TMEM204: variants seen among roughly 807,000 people sequenced by gnomAD.
The protein encoded by TMEM204 is transmembrane protein 204, also known as claudin-like protein 24.
A neutral mutation model predicts 19.4 loss-of-function variants in TMEM204; 15 were observed. That is an observed-to-expected ratio of 0.77 (90% CI 0.52 to 1.19). The LOEUF (loss-of-function observed/expected upper bound fraction) is 1.19, where lower values mean the gene tolerates loss of function less well. Among genes scored for constraint, TMEM204 ranks in the 50% most tolerant of loss-of-function variants. TMEM204 has a pLI of 0.00. For synonymous variants in TMEM204, 161 were observed against 146.0 expected (o/e 1.10, Z -0.74); for missense variants, 287 against 321.2 (o/e 0.89, Z 0.81).
chr16:1,553,908 T>TA lies in TMEM204; in HGVS notation c.437-869dup. On this transcript the variant is annotated intron_variant, in intron 2 of 2. Coordinates refer to ENST00000566264, the MANE Select transcript of TMEM204 (RefSeq NM_024600.6). This position sits in a 1 kb window ranked among gnomAD's most constrained non-coding sequence, Gnocchi z 4.4. ...ACCCTGATTTTCCTGTTGTAAGAAC[T>TA]AAAAAGGTCTTTGGAGCTCCTCAAA... 5.5e-6 allele frequency: 7 copies of TA among 1,277,434 alleles called. No homozygotes were observed. The highest frequency in any genetic ancestry group is 6.1e-6 in the Non-Finnish European group (6 of 982,032). 79.1% of individuals were successfully genotyped at this position (1,277,434 alleles called of 1,614,324 possible). A position where few individuals can be genotyped will look rare whatever the true frequency, so the allele number is the denominator to read the frequency against.
chr16:1,543,178 G>A (rs767054357), intron 2 of TMEM204, among the ~76,000 whole-genome samples: 2 of 152,260 alleles, frequency 1.3e-5, no homozygotes, highest in Admixed American at 6.5e-5. Flanking sequence ...TGACCAGCAC[G>A]GAGCTGCCCG....
At chr16:1,543,170 A>G (rs2143285) in intron 2 of TMEM204, among the ~76,000 whole-genome samples, 65,468 of 152,186 alleles carry the variant, frequency 0.43, 15,538 homozygotes, top group African/African-American at 0.64. Flanking sequence ...GCTGAGCATG[A>G]CCAGCACGGA....
chr16:1,542,203 A>G lies in TMEM204; in HGVS notation c.436+127A>G, dbSNP rs1430092434. 2.8e-6 allele frequency: 3 copies of G among 1,072,166 alleles called. No homozygotes were observed. The African/African-American group carries it at 4.9e-5, about 18-fold the overall frequency. The allele number at this position is 1,072,166 out of a possible 1,614,324, so 66.4% of individuals were successfully genotyped here. A position where few individuals can be genotyped will look rare whatever the true frequency, so the allele number is the denominator to read the frequency against. On this transcript the variant is annotated intron_variant, in intron 2 of 2. Transcript: ENST00000566264. ...AGGCCATACCTCTCAACATGGCCAC[A>G]GGCCACTGAGAAGCCCCATGGGGCA...
chr16:1,553,427 G>C lies in TMEM204; in HGVS notation c.437-1355G>C, dbSNP rs528603616. On this transcript the variant is annotated intron_variant, in intron 2 of 2. Coordinates refer to ENST00000566264, the MANE Select transcript of TMEM204 (RefSeq NM_024600.6). This position sits in a 1 kb window ranked among gnomAD's most constrained non-coding sequence, Gnocchi z 4.4. ...AATGCAGGGGAGGCGGTTGGGAGTG[G>C]AGAGACCGGCATGAACAGACGCACA... The C allele has an allele frequency of 5.4e-5, 53 of 985,398 alleles. 1 individual carries two copies. The African/African-American group carries it at 8.5e-4, about 16-fold the overall frequency. The allele number at this position is 985,398 out of a possible 1,614,324, so 61.0% of individuals were successfully genotyped here.
chr16:1,531,400 G>A (rs1323043685), upstream of TMEM204: 2 of 152,316 alleles, frequency 1.3e-5, no homozygotes, highest in Non-Finnish European at 2.9e-5. The surrounding 1 kb of genome is among the most constrained non-coding windows in gnomAD (Gnocchi z 4.7). Flanking sequence ...CATGCTTGCC[G>A]AGGCCGCCCC....
chr16:1,542,320 T>C (rs188316364), intron 2 of TMEM204, among the ~76,000 whole-genome samples: 13 of 152,368 alleles, frequency 8.5e-5, no homozygotes, highest in African/African-American at 2.6e-4. Context: ...CTGGCGTGTC[T>C]GTCACACCCT....
chr16:1,540,455 G>C (rs904372774), intron 1 of TMEM204, among the ~76,000 whole-genome samples: 3 of 152,210 alleles, frequency 2.0e-5, no homozygotes, highest in African/African-American at 7.2e-5. Context: ...CCCCTGCTGG[G>C]CTGGCTTCCC....
intron 2 of TMEM204, among the ~76,000 whole-genome samples, chr16:1,550,244 G>C (rs773212717): frequency 1.4e-4 from 21 of 152,076 alleles, no homozygotes; most frequent in Non-Finnish European, 3.1e-4. Context: ...CAGCCCCTTC[G>C]TCTTCTATAT....
chr16:1,538,625 C>A (rs1387764474), intron 1 of TMEM204, among the ~76,000 whole-genome samples: 1 of 152,214 alleles, frequency 6.6e-6, no homozygotes, highest in East Asian at 1.9e-4. Context: ...TAATGCCTCC[C>A]TCATTTTGCA....
At chr16:1,536,546 G>A (rs900413600) in intron 1 of TMEM204, among the ~76,000 whole-genome samples, 1 of 152,200 alleles carries the variant, frequency 6.6e-6, no homozygotes, top group African/African-American at 2.4e-5. Context: ...GAAGCGTCAC[G>A]GAAGCTCCTT....
At chr16:1,550,884 G>A (rs1343128575) in intron 2 of TMEM204, among the ~76,000 whole-genome samples, 4 of 152,218 alleles carry the variant, frequency 2.6e-5, no homozygotes, top group Non-Finnish European at 4.4e-5. Context: ...GGTCCCCGGC[G>A]TGCCAGTGGA....
At position 1,534,172 on chromosome 16, in the gene TMEM204, G is replaced by A; in HGVS notation, c.-104G>A. 2 of 1,466,636 alleles carry A rather than the reference G, an allele frequency of 1.4e-6. No homozygotes were observed. The highest frequency in any genetic ancestry group is 1.3e-5 in the South Asian group (1 of 79,906). The allele number at this position is 1,466,636 out of a possible 1,614,324, so 90.9% of individuals were successfully genotyped here. On this transcript the variant is annotated 5_prime_UTR_variant, in exon 1 of 3. It adds an upstream start codon to the 5' untranslated region. Transcript: ENST00000566264. ...GCCCGCGCCGCCCCGAGGATGAGTG[G>A]TGATGTCCTCTAGCCACCCCTAGCA...
chr16:1,534,162 A>T lies in TMEM204; in HGVS notation c.-114A>T. On this transcript the variant is annotated 5_prime_UTR_variant, in exon 1 of 3. Transcript: ENST00000566264. ...ATGGGCCTCCGCCCGCGCCGCCCCG[A>T]GGATGAGTGGTGATGTCCTCTAGCC... 1 of 1,389,212 alleles carries T rather than the reference A, an allele frequency of 7.2e-7. No individual in the cohort carries two copies. The highest frequency in any genetic ancestry group is 9.6e-7 in the Non-Finnish European group (1 of 1,036,942). 86.1% of individuals were successfully genotyped at this position (1,389,212 alleles called of 1,614,324 possible). A position where few individuals can be genotyped will look rare whatever the true frequency, so the allele number is the denominator to read the frequency against.
At chr16:1,545,216 G>A (rs371116025) in intron 2 of TMEM204, among the ~76,000 whole-genome samples, 6 of 152,154 alleles carry the variant, frequency 3.9e-5, no homozygotes, top group Non-Finnish European at 5.9e-5. Context: ...TGGCGGGGGC[G>A]GGACTGTGCT....
chr16:1,554,238 C>G (rs992386242), intron 2 of TMEM204: 1 of 704,214 alleles, frequency 1.4e-6, no homozygotes, highest in Non-Finnish European at 2.0e-6. Flanking sequence ...AGGCCAAGAG[C>G]AAGAAAACTG....
chr16:1,548,205 C>T (rs1257158662), intron 2 of TMEM204, among the ~76,000 whole-genome samples: 4 of 152,252 alleles, frequency 2.6e-5, no homozygotes, highest in African/African-American at 4.8e-5. Context: ...GCCAGGGGGC[C>T]GTCTGCTCCG....
rs556015277 is a variant in TMEM204 at position 1,541,835 on chromosome 16, C to T, written c.281-86C>T. On this transcript the variant is annotated intron_variant, in intron 1 of 2. Coordinates refer to ENST00000566264, the MANE Select transcript of TMEM204 (RefSeq NM_024600.6). ...TGCCGACCGCCCTTTCCGAGGCAAA[C>T]AGAGACCACGAAAGTGGCGTGACGG... 307 of 1,454,836 alleles carry T rather than the reference C, an allele frequency of 2.1e-4. 2 individuals are homozygous for T. In the South Asian group the frequency reaches 3.5e-3, roughly 17 times the overall value. The allele number at this position is 1,454,836 out of a possible 1,614,324, so 90.1% of individuals were successfully genotyped here. A position where few individuals can be genotyped will look rare whatever the true frequency, so the allele number is the denominator to read the frequency against.
At chr16:1,529,277 G>A (rs1371919335), upstream of TMEM204, among the ~76,000 whole-genome samples, 1 of 152,248 alleles carries the variant, frequency 6.6e-6, no homozygotes, top group Non-Finnish European at 1.5e-5. Flanking sequence ...AGGAGAGGGT[G>A]TGTCCAAACC....
In TMEM204 at chr16:1,533,986, C is replaced by T. The variant is rs761624105; in HGVS notation, c.-290C>T. 15 of 465,008 alleles carry T rather than the reference C, an allele frequency of 3.2e-5. No homozygotes were observed. The highest frequency in any genetic ancestry group is 1.3e-4 in the East Asian group (3 of 23,954). 28.8% of individuals were successfully genotyped at this position (465,008 alleles called of 1,614,324 possible). Reference sequence around the variant, plus strand: ...CGGCCTCCGCTTCCCGGGAAGACGGCGCACTCCTGGCCCTGGGTTCTTGCT... The same window carrying T: ...CGGCCTCCGCTTCCCGGGAAGACGGTGCACTCCTGGCCCTGGGTTCTTGCT... On this transcript the variant is annotated 5_prime_UTR_variant, in exon 1 of 3. Transcript: ENST00000566264. The surrounding 1 kb of genome is among the most constrained non-coding windows in gnomAD (Gnocchi z 4.7).
Sources: allele counts gnomAD v4.1 joint callset (sites outside exome capture counted in the v4.1 genomes callset), GRCh38; gene constraint gnomAD v4.1.1; non-coding constraint Gnocchi (gnomAD v3.1); transcripts MANE v1.5; gene names NCBI Gene and HGNC (gene_info 2026-07-23, HGNC 2026-07-21).